Variants in PCDH15 observed in about 807,000 individuals in gnomAD.
PCDH15 encodes the protein protocadherin related 15.
A neutral mutation model predicts 178.5 loss-of-function variants in PCDH15; 129 were observed. The ratio of observed to expected loss-of-function variants is 0.72; its 90% CI spans 0.63 to 0.84. PCDH15 has a LOEUF of 0.84. Ranked by LOEUF, PCDH15 falls within the 40% of genes least tolerant of loss-of-function variation. PCDH15 has a pLI of 0.00. For missense variants in PCDH15, 2,230 were observed against 2,099.9 expected (o/e 1.06, Z -1.21); for synonymous variants, 800 against 732.0 (o/e 1.09, Z -1.50).
intron 2 of PCDH15, among the ~76,000 whole-genome samples, chr10:55,521,560 TA>T (rs1488986378): frequency 6.6e-6 from 1 of 151,972 alleles, no homozygotes; most frequent in Non-Finnish European, 1.5e-5. Flanking sequence ...AATTCATAAG[TA>T]AAACCATTGT....
Position 54,193,362 on chromosome 10 carries a change from T to C in PCDH15, c.1305+2321A>G, listed in dbSNP as rs527315941. Among the ~76,000 whole-genome samples, 4 of 152,320 alleles carry C rather than the reference T, an allele frequency of 2.6e-5. No homozygotes were observed. The South Asian group carries it at 8.3e-4, about 32-fold the overall frequency. On this transcript the variant is annotated intron_variant, in intron 11 of 37. Transcript: ENST00000644397. The stretch of plus-strand genomic sequence containing the variant: ...TAAATACATAAATTTTGCTATTGTG[T>C]AAACTTAAAACTACCTAACTTTAGA...
intron 8 of PCDH15, among the ~76,000 whole-genome samples, chr10:54,293,787 A>G (rs1239036306): frequency 6.6e-6 from 1 of 152,248 alleles, no homozygotes; most frequent in African/African-American, 2.4e-5. Flanking sequence ...CACACCAGTT[A>G]GAATGACAAT....
chr10:54,525,398 G>T (rs2083274171), intron 3 of PCDH15, among the ~76,000 whole-genome samples: 2 of 152,126 alleles, frequency 1.3e-5, no homozygotes, highest in Non-Finnish European at 1.5e-5. Context: ...CCAATTAAAA[G>T]ATACTGGAAA....
At chr10:54,480,845 GA>G (rs1256519780) in intron 3 of PCDH15, among the ~76,000 whole-genome samples, 1 of 151,788 alleles carries the variant, frequency 6.6e-6, no homozygotes, top group East Asian at 1.9e-4. Context: ...TTTTTTCATA[GA>G]AACATTAAAA....
intron 8 of PCDH15, among the ~76,000 whole-genome samples, chr10:54,256,102 C>T (rs2056876807): frequency 6.6e-6 from 1 of 152,160 alleles, no homozygotes; most frequent in Admixed American, 6.5e-5. Flanking sequence ...CCAGCCTGCT[C>T]CCACTGTCTT....
At chr10:54,196,288 G>A (rs1251680930) in intron 10 of PCDH15, among the ~76,000 whole-genome samples, 2 of 151,952 alleles carry the variant, frequency 1.3e-5, no homozygotes, top group African/African-American at 2.4e-5. Flanking sequence ...GACTACAGGC[G>A]CCCACCACCA....
intron 18 of PCDH15, among the ~76,000 whole-genome samples, chr10:54,059,487 C>T (rs2093970379): frequency 6.6e-6 from 1 of 152,102 alleles, no homozygotes; most frequent in African/African-American, 2.4e-5. Flanking sequence ...ATTTCTTTAT[C>T]TCCCTTTTCC....
At chr10:54,759,849 T>A (rs1947638302) in intron 1 of PCDH15, among the ~76,000 whole-genome samples, 1 of 152,282 alleles carries the variant, frequency 6.6e-6, no homozygotes, top group Admixed American at 6.5e-5. Flanking sequence ...GGTGCCTCTG[T>A]ACAGCTGCAA....
intron 16 of PCDH15, among the ~76,000 whole-genome samples, chr10:54,079,908 T>G (rs1280540867): frequency 6.6e-6 from 1 of 152,150 alleles, no homozygotes; most frequent in East Asian, 1.9e-4. Context: ...TAAAAGTTTT[T>G]CTTTTTTCTT....
chr10:55,431,518 A>G (rs1838879743), intron 2 of PCDH15, among the ~76,000 whole-genome samples: 1 of 152,172 alleles, frequency 6.6e-6, no homozygotes, highest in Non-Finnish European at 1.5e-5. Context: ...TAAAAACTTT[A>G]GCTAATTGGA....
chr10:54,452,279 T>G (rs1589479681), intron 3 of PCDH15: 1 of 151,994 alleles, frequency 6.6e-6, no homozygotes. Flanking sequence ...ATGCTACACT[T>G]GAATAATCAA....
chr10:54,138,129 T>G (rs2133130997), intron 14 of PCDH15, among the ~76,000 whole-genome samples: 1 of 152,098 alleles, frequency 6.6e-6, no homozygotes, highest in African/African-American at 2.4e-5. Flanking sequence ...TTAAAGAAAT[T>G]TTTATTTGTC....
chr10:54,080,437 TAAC>T (rs2094419419), intron 16 of PCDH15, among the ~76,000 whole-genome samples: 1 of 152,160 alleles, frequency 6.6e-6, no homozygotes, highest in Non-Finnish European at 1.5e-5. Context: ...TAATCGAGCC[TAAC>T]AAGTATCCAC....
chr10:54,767,536 G>T (rs1948654763), intron 1 of PCDH15, among the ~76,000 whole-genome samples: 1 of 152,040 alleles, frequency 6.6e-6, no homozygotes, highest in South Asian at 2.1e-4. Context: ...TAAGAGTACA[G>T]TATGGGAAGG....
intron 26 of PCDH15, among the ~76,000 whole-genome samples, chr10:53,870,199 C>A (rs940999477): frequency 3.3e-5 from 5 of 152,094 alleles, no homozygotes; most frequent in African/African-American, 1.2e-4. Context: ...CATATTCCAT[C>A]TTAAAATATT....
At chr10:54,598,328 A>G (rs1202099691) in intron 2 of PCDH15, among the ~76,000 whole-genome samples, 3 of 152,148 alleles carry the variant, frequency 2.0e-5, no homozygotes, top group Non-Finnish European at 2.9e-5. Flanking sequence ...ATATACAAAA[A>G]CCAATAAATA....
At chr10:54,940,410 A>G (rs1026500256) in intron 2 of PCDH15, among the ~76,000 whole-genome samples, 2 of 152,162 alleles carry the variant, frequency 1.3e-5, no homozygotes, top group Non-Finnish European at 2.9e-5. Flanking sequence ...GTGATTTCAC[A>G]TATTTTAAAC....
rs150470303 is a variant in PCDH15, at chr10:55,294,452, A to G, written c.-156+25147T>C. ...ACTGTCTCTAACTTCATACTGAAGT[A>G]ATGATCCCAGGGAGATGTTCTGAAG... is the stretch of plus-strand genomic sequence containing the variant. On this transcript the variant is annotated intron_variant, in intron 1 of 5. Transcript: ENST00000458638. Among the ~76,000 whole-genome samples, 183 of 152,344 alleles carry G rather than the reference A, an allele frequency of 1.2e-3. 1 individual carries two copies. Among genetic ancestry groups the G allele is most frequent in the South Asian group, 4.4e-3 (21 of 4,826 alleles).
intron 3 of PCDH15, among the ~76,000 whole-genome samples, chr10:54,812,028 T>C (rs1952871692): frequency 6.6e-6 from 1 of 152,136 alleles, no homozygotes; most frequent in African/African-American, 2.4e-5. Context: ...CTCCAAAGAA[T>C]AAGTGCATCT....
Sources: allele counts gnomAD v4.1 joint callset (sites outside exome capture counted in the v4.1 genomes callset), GRCh38; gene constraint gnomAD v4.1.1; transcripts MANE v1.5; gene names NCBI Gene and HGNC (gene_info 2026-07-23, HGNC 2026-07-21).